CNOT2: variants seen among roughly 807,000 people sequenced by gnomAD.
CNOT2 encodes CCR4-NOT transcription complex subunit 2.
A neutral mutation model predicts 72.1 loss-of-function variants in CNOT2; 7 were observed. The observed-to-expected ratio is 0.10, with a 90% CI of 0.06 to 0.18. CNOT2 has a LOEUF of 0.18. CNOT2 is among the 10% of genes least tolerant of loss of function. The probability of loss-of-function intolerance (pLI) is 1.00; values close to 1 mark genes in which losing one functional copy is unlikely to be tolerated. For synonymous variants in CNOT2, 196 were observed against 225.6 expected (o/e 0.87, Z 1.17); for missense variants, 345 against 660.3 (o/e 0.52, Z 5.23).
chr12:70,294,234 C>T (rs1487384328), intron 2 of CNOT2: 18 of 1,289,356 alleles, frequency 1.4e-5, no homozygotes, highest in South Asian at 2.5e-5. Flanking sequence ...TTCTTCACTT[C>T]AGCCTCCAGC....
At chr12:70,255,137 C>T (rs1256122442) in intron 1 of CNOT2, among the ~76,000 whole-genome samples, 1 of 151,550 alleles carries the variant, frequency 6.6e-6, no homozygotes, top group Non-Finnish European at 1.5e-5. Flanking sequence ...TGCTGAGGTC[C>T]TGATGCTTTC....
chr12:70,299,938 T>A (rs1458600238), intron 2 of CNOT2, among the ~76,000 whole-genome samples: 2 of 152,254 alleles, frequency 1.3e-5, no homozygotes, highest in African/African-American at 4.8e-5. Flanking sequence ...AGATGGTATC[T>A]CATTGTGGTT....
intron 1 of CNOT2, among the ~76,000 whole-genome samples, chr12:70,262,700 G>C (rs1958835395): frequency 6.6e-6 from 1 of 151,922 alleles, no homozygotes; most frequent in Non-Finnish European, 1.5e-5. Flanking sequence ...TTGCGATGGA[G>C]TCTTTCTCTG....
chr12:70,304,509 G>A (rs369478802), intron 2 of CNOT2, among the ~76,000 whole-genome samples: 1 of 152,350 alleles, frequency 6.6e-6, no homozygotes, highest in South Asian at 2.1e-4. Flanking sequence ...GGTGGCTGCA[G>A]AAGAGCAGAT....
chr12:70,305,335 A>C (rs553360859), intron 2 of CNOT2, among the ~76,000 whole-genome samples: 34 of 152,162 alleles, frequency 2.2e-4, no homozygotes, highest in South Asian at 1.7e-3. Flanking sequence ...ACTTATTCAC[A>C]ATCATGAGAA....
At chr12:70,274,261 A>G (rs1052118394) in intron 1 of CNOT2, among the ~76,000 whole-genome samples, 2 of 152,086 alleles carry the variant, frequency 1.3e-5, no homozygotes, top group Admixed American at 6.6e-5. Context: ...ACTGCAGTCT[A>G]CCTATTAAGA....
chr12:70,333,638 A>G (rs1487910525), intron 7 of CNOT2, among the ~76,000 whole-genome samples: 3 of 151,944 alleles, frequency 2.0e-5, no homozygotes, highest in African/African-American at 4.8e-5. Context: ...TTGTAGAGGC[A>G]AGAGAAGATT....
chr12:70,317,983 A>C (rs1192660532), intron 3 of CNOT2, among the ~76,000 whole-genome samples: 1 of 151,898 alleles, frequency 6.6e-6, no homozygotes, highest in Non-Finnish European at 1.5e-5. Context: ...TCAGCCTCTG[A>C]TAGTTCTCTC....
At position 70,338,723 on chromosome 12, in the gene CNOT2, T is replaced by C. The variant is rs1565827945; in HGVS notation, c.1079T>C (p.Leu360Pro). ...ACGGACCAATTTGGAATGATTGGCC[T>C]GTTAACATTTATCAGGGCAGCAGAG... is the stretch of plus-strand genomic sequence containing the variant. ...MVTDQFGMIG[L>P]LTFIRAAETD... is the part of the protein sequence containing the mutation. The change falls in exon 11 of 16, where the codon CTG becomes CCG. Residue 360 changes from leucine to proline, a missense_variant. Physicochemically the swap from Leu to Pro is moderately conservative, Grantham distance 98. Coordinates refer to ENST00000229195, the MANE Select transcript of CNOT2 (RefSeq NM_014515.7). The C allele has an allele frequency of 6.2e-7, 1 of 1,613,280 alleles. No homozygotes were observed. The highest frequency in any genetic ancestry group is 8.5e-7 in the Non-Finnish European group (1 of 1,179,432).
chr12:70,323,899 A>G (rs1593234906), intron 4 of CNOT2: 1 of 151,524 alleles, frequency 6.6e-6, no homozygotes, highest in Non-Finnish European at 1.5e-5. Flanking sequence ...TTTCATAAGT[A>G]TGACACACGC....
chr12:70,332,819 T>C lies in CNOT2; in HGVS notation c.622T>C (p.Leu208=). ...TCAGGCATTTGGAATGAATAACTCC[T>C]TATCAAGTAACATTTTTAATGGAAC... ...RNQAFGMNNS[L]SSNIFNGTDG... The change falls in exon 7 of 16, where the codon TTA becomes CTA. Residue 208 remains leucine (L), a synonymous_variant. Transcript: ENST00000229195. 1 of 1,606,132 alleles carries C rather than the reference T, an allele frequency of 6.2e-7. No homozygotes were observed. The highest frequency in any genetic ancestry group is 8.5e-7 in the Non-Finnish European group (1 of 1,176,204).
intron 7 of CNOT2, among the ~76,000 whole-genome samples, chr12:70,334,079 G>A (rs192440096): frequency 9.2e-5 from 14 of 151,848 alleles, no homozygotes; most frequent in African/African-American, 2.2e-4. Context: ...ATAGATTGGG[G>A]GTTTATTAAC....
At chr12:70,298,421 C>G (rs1873210406) in intron 2 of CNOT2, among the ~76,000 whole-genome samples, 1 of 152,166 alleles carries the variant, frequency 6.6e-6, no homozygotes, top group African/African-American at 2.4e-5. Flanking sequence ...GCAAATTGGT[C>G]TGGGTTCAAA....
intron 2 of CNOT2, among the ~76,000 whole-genome samples, chr12:70,305,488 A>G (rs921227575): frequency 4.6e-5 from 7 of 152,200 alleles, no homozygotes; most frequent in African/African-American, 1.7e-4. Context: ...GACCGTAGAG[A>G]TGAAAAGATA....
intron 15 of CNOT2, chr12:70,348,173 G>C (rs1417671736): frequency 6.6e-6 from 1 of 152,162 alleles, no homozygotes; most frequent in Non-Finnish European, 1.5e-5. Context: ...GGTTGTACTA[G>C]TTTACTGCTA....
At chr12:70,330,796 A>C (rs964917055) in intron 6 of CNOT2, 2 of 211,522 alleles carry the variant, frequency 9.5e-6, no homozygotes, top group East Asian at 2.4e-4. Context: ...TTCTAGGTTT[A>C]TGAATAGAAC....
intron 1 of CNOT2, among the ~76,000 whole-genome samples, chr12:70,272,411 C>T (rs540220654): frequency 2.0e-5 from 3 of 152,166 alleles, no homozygotes; most frequent in East Asian, 1.9e-4. Flanking sequence ...GGGGTAAGAT[C>T]GTTGAAAAGG....
chr12:70,317,055 A>G (rs1877461225), intron 3 of CNOT2, among the ~76,000 whole-genome samples: 1 of 152,154 alleles, frequency 6.6e-6, no homozygotes, highest in Admixed American at 6.6e-5. Context: ...AAACAACTGT[A>G]CTTTTTCATT....
intron 4 of CNOT2, among the ~76,000 whole-genome samples, chr12:70,328,496 GA>G (rs1879424234): frequency 1.3e-5 from 2 of 151,908 alleles, no homozygotes; most frequent in South Asian, 4.1e-4. Flanking sequence ...TTCGTAGACA[GA>G]TATAACAGTG....
Sources: gnomAD v4.1 joint callset for allele counts (sites outside exome capture counted in the v4.1 genomes callset) on GRCh38, gnomAD v4.1.1 for gene constraint, MANE v1.5 for transcripts, NCBI Gene and HGNC (gene_info 2026-07-23, HGNC 2026-07-21) for gene names.